SCN11A: variants seen among roughly 807,000 people sequenced by gnomAD.
SCN11A encodes the protein sodium voltage-gated channel alpha subunit 11, also known as sodium channel protein type 11 subunit alpha.
Under a neutral mutation model 162.2 loss-of-function variants are expected in SCN11A, and 122 were observed. That is an observed-to-expected ratio of 0.75 (90% CI 0.65 to 0.87). SCN11A has a LOEUF of 0.87. Among genes scored for constraint, SCN11A ranks in the 40% least tolerant of loss-of-function variants. SCN11A has a pLI of 0.00. For synonymous variants in SCN11A, 758 were observed against 751.5 expected (o/e 1.01, Z -0.14); for missense variants, 2,015 against 2,181.6 (o/e 0.92, Z 1.52).
chr3:39,041,741 C>T (rs1411023156), intron 1 of SCN11A, among the ~76,000 whole-genome samples: 1 of 152,014 alleles, frequency 6.6e-6, no homozygotes, highest in Non-Finnish European at 1.5e-5. Flanking sequence ...TAACCACCAT[C>T]ATGAAAACAC....
intron 7 of SCN11A, among the ~76,000 whole-genome samples, chr3:38,938,252 G>A (rs2066369444): frequency 6.6e-6 from 1 of 151,704 alleles, no homozygotes. Flanking sequence ...AGTGGGGAGG[G>A]ATAGCTTTAG....
chr3:38,888,774 G>A (rs1007906629), intron 19 of SCN11A, among the ~76,000 whole-genome samples: 12 of 152,178 alleles, frequency 7.9e-5, no homozygotes, highest in African/African-American at 2.9e-4. Flanking sequence ...AAGAACAGCA[G>A]AAATTGATGA....
chr3:38,907,473 A>T (rs1269300987), intron 14 of SCN11A, among the ~76,000 whole-genome samples: 2 of 151,628 alleles, frequency 1.3e-5, no homozygotes, highest in Non-Finnish European at 2.9e-5. Flanking sequence ...TTCATTGGTT[A>T]CCTTCCATTC....
chr3:38,858,049 C>G lies in SCN11A; in HGVS notation c.4056+5146G>C, dbSNP rs750584020. Among the ~76,000 whole-genome samples the G allele has an allele frequency of 1.4e-4, 21 of 151,884 alleles. 1 individual carries two copies. The highest frequency in any genetic ancestry group is 2.9e-4 in the Non-Finnish European group (20 of 67,900). On this transcript the variant is annotated intron_variant, in intron 28 of 29. Coordinates refer to ENST00000302328, the MANE Select transcript of SCN11A (RefSeq NM_001349253.2). ...ATACACCAAAACAAAACAAAACAAA[C>G]AAACAAACAAAACCTCCTTAAAGCA...
rs183263929 is a variant in SCN11A at position 38,886,013 on chromosome 3, C to T, written c.2949+112G>A. ...CTGGCCTAGACTTTTGCTCAAAACT[C>T]GATTCTTGCAATTTTCTCTGCATTA... On this transcript the variant is annotated intron_variant, in intron 20 of 29. Coordinates refer to ENST00000302328, the MANE Select transcript of SCN11A (RefSeq NM_001349253.2). 241 of 674,706 alleles carry T rather than the reference C, an allele frequency of 3.6e-4. No individual in the cohort carries two copies. The East Asian group carries it at 5.7e-3, about 16-fold the overall frequency. 41.8% of individuals were successfully genotyped at this position (674,706 alleles called of 1,614,324 possible). A position where few individuals can be genotyped will look rare whatever the true frequency, so the allele number is the denominator to read the frequency against.
At chr3:38,995,799 G>GTCTATCTATCTA (rs745582413) in intron 2 of SCN11A, among the ~76,000 whole-genome samples, 71 of 131,480 alleles carry the variant, frequency 5.4e-4, no homozygotes, top group Admixed American at 5.0e-4. Context: ...ACAATAAATT[G>GTCTATCTATCTA]TCTATCTATC....
At chr3:38,995,002 A>G (rs564787728) in intron 2 of SCN11A, among the ~76,000 whole-genome samples, 10 of 151,740 alleles carry the variant, frequency 6.6e-5, no homozygotes, top group Admixed American at 2.0e-4. Flanking sequence ...CCCACCCTCC[A>G]CCCTCAAAGA....
intron 23 of SCN11A, among the ~76,000 whole-genome samples, chr3:38,878,610 T>C (rs1466515923): frequency 6.6e-6 from 1 of 152,146 alleles, no homozygotes; most frequent in Non-Finnish European, 1.5e-5. Context: ...CAAACGTGGA[T>C]GTTTTTATTC....
Position 38,886,109 on chromosome 3 carries a change from A to G in SCN11A, c.2949+16T>C. 3 of 1,553,916 alleles carry G rather than the reference A, an allele frequency of 1.9e-6. No homozygotes were observed. Among genetic ancestry groups the G allele is most frequent in the Non-Finnish European group, 2.7e-6 (3 of 1,126,794 alleles). On this transcript the variant is annotated intron_variant, in intron 20 of 29. Transcript: ENST00000302328. ...ATGAGCCACAAGTTCCTCTGACAAC[A>G]TCCTAGGAAAATTACCTTTCGGGGA...
rs1005203892 is a variant in SCN11A at position 38,924,437 on chromosome 3, G to A, written c.712+978C>T. Among the ~76,000 whole-genome samples, 15 of 151,666 alleles carry A rather than the reference G, an allele frequency of 9.9e-5. No individual in the cohort carries two copies. In the South Asian group the frequency reaches 1.0e-3, roughly 11 times the overall value. ...TGCCCAGGCTGGAGTGCAATGGGGC[G>A]ATCCAGGCTCACCGCAACCTCCCTC... On this transcript the variant is annotated intron_variant, in intron 9 of 29. Coordinates refer to ENST00000302328, the MANE Select transcript of SCN11A (RefSeq NM_001349253.2).
intron 23 of SCN11A, among the ~76,000 whole-genome samples, chr3:38,873,649 G>A (rs978897927): frequency 3.3e-5 from 5 of 152,136 alleles, no homozygotes; most frequent in African/African-American, 1.2e-4. Flanking sequence ...GAGAAGGGAT[G>A]TTCCTACAGA....
intron 2 of SCN11A, among the ~76,000 whole-genome samples, chr3:38,975,942 C>G (rs2066847080): frequency 6.6e-6 from 1 of 152,164 alleles, no homozygotes; most frequent in Middle Eastern, 3.4e-3. Flanking sequence ...GAATGGTACA[C>G]TTTAAAATGG....
At chr3:39,031,512 T>C (rs1367266458) in intron 2 of SCN11A, among the ~76,000 whole-genome samples, 5 of 145,444 alleles carry the variant, frequency 3.4e-5, no homozygotes, top group African/African-American at 5.2e-5. Flanking sequence ...GGTGACAGAG[T>C]GAGATTCTGT....
At chr3:38,998,619 G>A (rs957318366) in intron 2 of SCN11A, among the ~76,000 whole-genome samples, 2 of 152,092 alleles carry the variant, frequency 1.3e-5, no homozygotes, top group African/African-American at 2.4e-5. Flanking sequence ...TATGTTTATT[G>A]CGACACTATT....
intron 7 of SCN11A, among the ~76,000 whole-genome samples, chr3:38,934,619 AACAG>A (rs2066299284): frequency 6.6e-6 from 1 of 152,132 alleles, no homozygotes; most frequent in Admixed American, 6.5e-5. Flanking sequence ...CAAAGATCAA[AACAG>A]ACAAAGAAGG....
Position 38,863,206 on chromosome 3 carries a change from G to A in SCN11A, c.4045C>T (p.Pro1349Ser). The A allele has an allele frequency of 6.4e-7, 1 of 1,569,630 alleles. No homozygotes were observed. The change falls in exon 28 of 30, where the codon CCA (proline) becomes TCA (serine). Residue 1349 changes from proline to serine, a missense_variant. Coordinates refer to ENST00000302328, the MANE Select transcript of SCN11A (RefSeq NM_001349253.2). ...TCAATTGCTCTCACCAGAGGCCGTGGAATGGGTTTTTGAGGTTTTTTGGAT... is the reference window on the plus strand; with the variant it reads ...TCAATTGCTCTCACCAGAGGCCGTGAAATGGGTTTTTGAGGTTTTTTGGAT... ...LGSKKPQKPI[P>S]RPLNKCQGLV...
intron 1 of SCN11A, among the ~76,000 whole-genome samples, chr3:39,033,290 TTATTTACTTTTTA>T (rs146747070): frequency 0.035 from 5,353 of 152,302 alleles, 192 homozygotes; most frequent in East Asian, 0.16. Context: ...TCTAAAACTC[TTATTTACTTTTTA>T]TATTTACTTT....
intron 2 of SCN11A, among the ~76,000 whole-genome samples, chr3:39,016,077 A>T (rs1486708293): frequency 6.6e-6 from 1 of 152,222 alleles, no homozygotes; most frequent in Non-Finnish European, 1.5e-5. Context: ...TAAGGGAATG[A>T]GAGAAGCAGG....
intron 7 of SCN11A, among the ~76,000 whole-genome samples, chr3:38,940,435 C>T (rs1314921591): frequency 6.6e-6 from 1 of 152,186 alleles, no homozygotes; most frequent in African/African-American, 2.4e-5. Context: ...GACATTACAA[C>T]ATTAGACAAT....
Sources: allele counts gnomAD v4.1 joint callset (sites outside exome capture counted in the v4.1 genomes callset), GRCh38; gene constraint gnomAD v4.1.1; transcripts MANE v1.5; gene names NCBI Gene and HGNC (gene_info 2026-07-23, HGNC 2026-07-21).